PCCA: variants seen among roughly 807,000 people sequenced by gnomAD.
PCCA encodes propionyl-CoA carboxylase subunit alpha, also known as propionyl-CoA carboxylase alpha chain, mitochondrial.
PCCA carries 74 observed loss-of-function variants against 101.3 expected under a neutral mutation model. The ratio of observed to expected loss-of-function variants is 0.73; its 90% CI spans 0.61 to 0.89. The LOEUF is 0.89. Ranked by LOEUF, PCCA falls within the 40% of genes least tolerant of loss-of-function variation. The pLI is 0.00. For synonymous variants in PCCA, 294 were observed against 313.6 expected, an observed-to-expected ratio of 0.94 and a Z score of 0.66; for missense variants, 891 against 907.0, an observed-to-expected ratio of 0.98 and a Z score of 0.23.
rs140534273 is a variant in PCCA, at chr13:100,427,750, A to G, written c.1845+2019A>G. 3.5e-3 allele frequency among the ~76,000 whole-genome samples: 526 copies of G among 151,958 alleles called. 4 individuals carry two copies. The highest frequency in any genetic ancestry group is 0.014 in the Middle Eastern group (4 of 294). On this transcript the variant is annotated intron_variant, in intron 20 of 23. Transcript: ENST00000376285. Reference sequence around the variant, plus strand: ...GTTTACCTAAAAAAAAAAAAAAGGTAAGGAGAGTTTTTCCTTGTGAAAGGG... The same window carrying G: ...GTTTACCTAAAAAAAAAAAAAAGGTGAGGAGAGTTTTTCCTTGTGAAAGGG...
At chr13:100,242,753 T>C (rs2061220228) in intron 8 of PCCA, among the ~76,000 whole-genome samples, 1 of 152,226 alleles carries the variant, frequency 6.6e-6, no homozygotes, top group Non-Finnish European at 1.5e-5. Context: ...GAAATATTTT[T>C]CCCCGCATGT....
At chr13:100,102,173 C>T (rs577240661) in intron 1 of PCCA, among the ~76,000 whole-genome samples, 30 of 151,850 alleles carry the variant, frequency 2.0e-4, no homozygotes, top group African/African-American at 7.0e-4. Flanking sequence ...TGGGGTCTTG[C>T]TCTGTTGCCT....
intron 1 of PCCA, among the ~76,000 whole-genome samples, chr13:100,096,459 C>G (rs551327340): frequency 3.9e-5 from 6 of 152,158 alleles, no homozygotes; most frequent in Non-Finnish European, 7.3e-5. Flanking sequence ...CCCTAATTCT[C>G]TGAGATACAA....
chr13:100,197,066 C>G (rs1285597795), intron 6 of PCCA, among the ~76,000 whole-genome samples: 1 of 152,202 alleles, frequency 6.6e-6, no homozygotes, highest in African/African-American at 2.4e-5. Flanking sequence ...CACCATTGCA[C>G]AGACTCAGGA....
chr13:100,104,644 A>G (rs560484284), intron 2 of PCCA: 1 of 152,304 alleles, frequency 6.6e-6, no homozygotes, highest in South Asian at 2.1e-4. Flanking sequence ...CTTGGGTAGT[A>G]TCTTCATAGC....
At chr13:100,286,103 T>C (rs1002267950) in intron 12 of PCCA, among the ~76,000 whole-genome samples, 4 of 152,176 alleles carry the variant, frequency 2.6e-5, no homozygotes, top group Non-Finnish European at 4.4e-5. Flanking sequence ...AAGCAGGCCA[T>C]TAACTACGCT....
chr13:100,501,321 T>C (rs1014589990), intron 21 of PCCA, among the ~76,000 whole-genome samples: 5 of 152,216 alleles, frequency 3.3e-5, no homozygotes, highest in African/African-American at 2.4e-5. Flanking sequence ...ACCTGACTAA[T>C]GTACATGGTA....
At chr13:100,354,162 G>T (rs1457914206) in intron 18 of PCCA, among the ~76,000 whole-genome samples, 2 of 150,270 alleles carry the variant, frequency 1.3e-5, no homozygotes, top group African/African-American at 4.9e-5. Flanking sequence ...TGTAATCCCA[G>T]CTACTAAGAA....
intron 18 of PCCA, among the ~76,000 whole-genome samples, chr13:100,350,303 A>C (rs1325571359): frequency 6.6e-6 from 1 of 151,942 alleles, no homozygotes; most frequent in Non-Finnish European, 1.5e-5. Flanking sequence ...AAGCCACTTC[A>C]CTGTGACAAT....
intron 9 of PCCA, 26 bp downstream of exon 9, chr13:100,257,699 T>C (rs2062168420): frequency 1.3e-6 from 2 of 1,530,572 alleles, no homozygotes; most frequent in African/African-American, 1.4e-5. Flanking sequence ...AAATATACTT[T>C]TGATGAAAAT....
intron 16 of PCCA, among the ~76,000 whole-genome samples, chr13:100,324,716 T>G (rs73575473): frequency 6.6e-6 from 1 of 152,162 alleles, no homozygotes. Context: ...TAGTACATAC[T>G]GTACTACTGT....
chr13:100,252,491 G>C (rs930018094), intron 8 of PCCA, among the ~76,000 whole-genome samples: 9 of 152,050 alleles, frequency 5.9e-5, no homozygotes, highest in Admixed American at 3.9e-4. Flanking sequence ...TTGTAGGTGA[G>C]AAAACCACAT....
chr13:100,215,312 T>C (rs540613334), intron 7 of PCCA, among the ~76,000 whole-genome samples: 2 of 152,364 alleles, frequency 1.3e-5, no homozygotes, highest in South Asian at 4.1e-4. Flanking sequence ...TGACACTGTT[T>C]GAAGTGCTGT....
chr13:100,388,380 AG>A (rs2076628676), intron 19 of PCCA, among the ~76,000 whole-genome samples: 1 of 152,138 alleles, frequency 6.6e-6, no homozygotes, highest in South Asian at 2.1e-4. Flanking sequence ...GGGAGGATCA[AG>A]TGAGCCTGGG....
Position 100,175,926 on chromosome 13 carries a change from C to G in PCCA, c.468+18586C>G, listed in dbSNP as rs571682643. On this transcript the variant is annotated intron_variant, in intron 6 of 23. Transcript: ENST00000376285. The stretch of plus-strand genomic sequence containing the variant: ...GGCAGACTTCGTTAAAGTGAAAATA[C>G]TCTGTGTTAGACGTAAGATGTGAAT... Among the ~76,000 whole-genome samples the G allele has an allele frequency of 4.1e-4, 63 of 152,294 alleles. 2 individuals carry two copies. In the South Asian group the frequency reaches 0.013, roughly 31 times the overall value.
At chr13:100,291,137 G>T (rs1469492422) in intron 12 of PCCA, among the ~76,000 whole-genome samples, 1 of 152,204 alleles carries the variant, frequency 6.6e-6, no homozygotes, top group Non-Finnish European at 1.5e-5. Flanking sequence ...AAAGGGCTGG[G>T]TGTTGTGGCT....
At chr13:100,497,613 A>G (rs1463038695) in intron 21 of PCCA, among the ~76,000 whole-genome samples, 4 of 152,160 alleles carry the variant, frequency 2.6e-5, no homozygotes, top group Non-Finnish European at 4.4e-5. Flanking sequence ...ATTCATGCCA[A>G]GTCATTTCCT....
At chr13:100,246,716 ATGT>A (rs1224687764) in intron 8 of PCCA, among the ~76,000 whole-genome samples, 1 of 152,120 alleles carries the variant, frequency 6.6e-6, no homozygotes, top group African/African-American at 2.4e-5. Context: ...AGAGAGTATC[ATGT>A]TTTTCATTTA....
At chr13:100,319,933 T>G (rs900796902) in intron 16 of PCCA, among the ~76,000 whole-genome samples, 11 of 152,234 alleles carry the variant, frequency 7.2e-5, no homozygotes, top group African/African-American at 2.7e-4. Context: ...ATGGCCATTT[T>G]CACGATATTA....
Sources: gnomAD v4.1 joint callset for allele counts (sites outside exome capture counted in the v4.1 genomes callset) on GRCh38, gnomAD v4.1.1 for gene constraint, MANE v1.5 for transcripts, NCBI Gene and HGNC (gene_info 2026-07-23, HGNC 2026-07-21) for gene names.